SHISA6: variants seen among roughly 807,000 people sequenced by gnomAD.
SHISA6 encodes shisa family member 6, also known as protein shisa-6.
In SHISA6, 22 loss-of-function variants were observed where a neutral mutation model predicts 47.9. The observed-to-expected ratio is 0.46, with a 90% CI of 0.33 to 0.66. The LOEUF (loss-of-function observed/expected upper bound fraction) is 0.66. Among genes scored for constraint, SHISA6 ranks in the 30% least tolerant of loss-of-function variants. The pLI, the probability that SHISA6 is intolerant of heterozygous loss-of-function variation, is 0.02. For missense variants in SHISA6, 680 were observed against 764.6 expected (o/e 0.89, Z 1.30); for synonymous variants, 388 against 337.8 (o/e 1.15, Z -1.63).
intron 3 of SHISA6, among the ~76,000 whole-genome samples, chr17:11,546,511 G>A (rs929041095): frequency 6.6e-6 from 1 of 152,134 alleles, no homozygotes; most frequent in African/African-American, 2.4e-5. Flanking sequence ...ACACAGAAAG[G>A]TTAGATATAA....
chr17:11,349,682 C>T (rs1197084663), intron 2 of SHISA6, among the ~76,000 whole-genome samples: 1 of 152,180 alleles, frequency 6.6e-6, no homozygotes, highest in African/African-American at 2.4e-5. Context: ...CCAGCACTTT[C>T]CAAATGTCTG....
rs554042580 is a variant in SHISA6, at chr17:11,497,796, G to A, written c.896-54100G>A. Among the ~76,000 whole-genome samples the A allele has an allele frequency of 3.0e-4, 45 of 151,936 alleles. 1 individual carries two copies. Among genetic ancestry groups the A allele is most frequent in the African/African-American group, 1.0e-3 (43 of 41,424 alleles). ...GCCTTCTCTGTCTCTCGCATCCTAC[G>A]ACATCCATTCCTCAATACTGGCTCA... On this transcript the variant is annotated intron_variant, in intron 3 of 5. Transcript: ENST00000441885.
chr17:11,315,429 T>G (rs953595332), intron 2 of SHISA6, among the ~76,000 whole-genome samples: 5 of 152,146 alleles, frequency 3.3e-5, no homozygotes, highest in Non-Finnish European at 7.4e-5. Flanking sequence ...TCTCTTCTTT[T>G]TTTTCTTATT....
chr17:11,375,024 C>T (rs113006473), intron 2 of SHISA6, among the ~76,000 whole-genome samples: 7 of 152,110 alleles, frequency 4.6e-5, no homozygotes, highest in African/African-American at 2.4e-5. Flanking sequence ...TTCTTAAAAA[C>T]GTTGCTGCAC....
chr17:11,336,885 A>G (rs1911339954), intron 2 of SHISA6, among the ~76,000 whole-genome samples: 1 of 152,330 alleles, frequency 6.6e-6, no homozygotes, highest in Admixed American at 6.5e-5. Flanking sequence ...CCAGCGTCCG[A>G]AAACTCCCTC....
At chr17:11,375,064 G>A (rs927078460) in intron 2 of SHISA6, among the ~76,000 whole-genome samples, 3 of 152,116 alleles carry the variant, frequency 2.0e-5, no homozygotes, top group Non-Finnish European at 4.4e-5. Context: ...TTATGATGTT[G>A]GCTTGAGTGT....
intron 3 of SHISA6, among the ~76,000 whole-genome samples, chr17:11,546,962 T>C (rs2071888824): frequency 1.3e-5 from 2 of 150,952 alleles, no homozygotes; most frequent in Admixed American, 6.6e-5. Flanking sequence ...ACAGAAAGGG[T>C]TATTTAATGT....
rs556220390 is a variant in SHISA6, at chr17:11,358,225, C to A, written c.800-21189C>A. Among the ~76,000 whole-genome samples, 218 of 152,282 alleles carry A rather than the reference C, an allele frequency of 1.4e-3. 1 individual carries two copies. The highest frequency in any genetic ancestry group is 5.1e-3 in the African/African-American group (213 of 41,548). ...CCCACAGCTCCTGGTAACCACTCTTCTGCTTTCTTTCTCTATGAACTCAGC... is the reference window on the plus strand; with the variant it reads ...CCCACAGCTCCTGGTAACCACTCTTATGCTTTCTTTCTCTATGAACTCAGC... On this transcript the variant is annotated intron_variant, in intron 2 of 5. Coordinates refer to ENST00000441885, the MANE Select transcript of SHISA6 (RefSeq NM_207386.4).
intron 3 of SHISA6, among the ~76,000 whole-genome samples, chr17:11,535,961 CATATATAGAT>C (rs1355654787): frequency 6.6e-6 from 1 of 151,452 alleles, no homozygotes; most frequent in African/African-American, 2.4e-5. Context: ...CACATATAGA[CATATATAGAT>C]ATATAGAGAT....
At chr17:11,513,212 ATG>A (rs1250753937) in intron 3 of SHISA6, among the ~76,000 whole-genome samples, 2 of 149,690 alleles carry the variant, frequency 1.3e-5, no homozygotes, top group Non-Finnish European at 1.5e-5. Context: ...GTATATATGT[ATG>A]TGTTATATAT....
intron 3 of SHISA6, among the ~76,000 whole-genome samples, chr17:11,496,307 C>T (rs1455432151): frequency 2.6e-5 from 4 of 152,210 alleles, no homozygotes; most frequent in Non-Finnish European, 5.9e-5. Flanking sequence ...ACAGGTGAGA[C>T]TTCAAAGCAA....
At chr17:11,258,580 A>T (rs569879072) in intron 1 of SHISA6, among the ~76,000 whole-genome samples, 1 of 152,362 alleles carries the variant, frequency 6.6e-6, no homozygotes, top group East Asian at 1.9e-4. Flanking sequence ...TGAAAACTCC[A>T]TGAAGTCCAG....
intron 3 of SHISA6, among the ~76,000 whole-genome samples, chr17:11,388,787 AG>A (rs1913274028): frequency 1.2e-5 from 1 of 82,682 alleles, no homozygotes; most frequent in Non-Finnish European, 2.4e-5. Flanking sequence ...TTCAAACAAA[AG>A]TTTATATATA....
intron 3 of SHISA6, among the ~76,000 whole-genome samples, chr17:11,509,551 C>G (rs2071526675): frequency 6.6e-6 from 1 of 152,176 alleles, no homozygotes; most frequent in South Asian, 2.1e-4. Context: ...ACTGGATACT[C>G]ACAGATATAC....
At chr17:11,351,690 C>T (rs1231282259) in intron 2 of SHISA6, among the ~76,000 whole-genome samples, 1 of 152,244 alleles carries the variant, frequency 6.6e-6, no homozygotes, top group African/African-American at 2.4e-5. Context: ...CTCTTTTCTG[C>T]ACCTTCATCC....
Position 11,350,174 on chromosome 17 carries a change from A to ATTTTTTT in SHISA6, c.800-29237_800-29236insTTTTTTT, listed in dbSNP as rs1310542458. On this transcript the variant is annotated intron_variant, in intron 2 of 5. Coordinates refer to ENST00000441885, the MANE Select transcript of SHISA6 (RefSeq NM_207386.4). ...GCCCGGCTAATTTATTTATTTATTTATTTATTTATTTTTTTTTTTTTTTGA... is the reference window on the plus strand; with the variant it reads ...GCCCGGCTAATTTATTTATTTATTTATTTTTTTTTTATTTATTTTTTTTTTTTTTTGA... Among the ~76,000 whole-genome samples, 18 of 100,418 alleles carry ATTTTTTT rather than the reference A, an allele frequency of 1.8e-4. 1 individual carries two copies. Among genetic ancestry groups the ATTTTTTT allele is most frequent in the East Asian group, 4.9e-4 (1 of 2,026 alleles). The allele number at this position is 100,418 out of a possible 152,430, so 65.9% of individuals were successfully genotyped here.
chr17:11,528,299 A>G (rs929814581), intron 3 of SHISA6, among the ~76,000 whole-genome samples: 1 of 152,240 alleles, frequency 6.6e-6, no homozygotes, highest in Non-Finnish European at 1.5e-5. Context: ...TGAGGGATAT[A>G]TACTGTGTGT....
At chr17:11,293,707 G>A (rs890034376) in intron 2 of SHISA6, among the ~76,000 whole-genome samples, 2 of 152,120 alleles carry the variant, frequency 1.3e-5, no homozygotes, top group African/African-American at 4.8e-5. Flanking sequence ...GATATCTGCT[G>A]CATCTGGCCT....
At chr17:11,295,420 G>A (rs1194472792) in intron 2 of SHISA6, among the ~76,000 whole-genome samples, 3 of 152,166 alleles carry the variant, frequency 2.0e-5, no homozygotes, top group African/African-American at 2.4e-5. Context: ...ACAGTCAGTG[G>A]GGGAGACAGA....
Sources: gnomAD v4.1 joint callset for allele counts (sites outside exome capture counted in the v4.1 genomes callset) on GRCh38, gnomAD v4.1.1 for gene constraint, MANE v1.5 for transcripts, NCBI Gene and HGNC (gene_info 2026-07-23, HGNC 2026-07-21) for gene names.